VPS37C: variants seen among roughly 807,000 people sequenced by gnomAD.
VPS37C encodes the protein VPS37C subunit of ESCRT-I, also known as vacuolar protein sorting-associated protein 37C.
VPS37C carries 9 observed loss-of-function variants against 16.1 expected under a neutral mutation model. The ratio of observed to expected loss-of-function variants is 0.56; its 90% CI spans 0.34 to 0.97. The LOEUF (loss-of-function observed/expected upper bound fraction) is 0.97. VPS37C is among the 50% of genes least tolerant of loss of function. VPS37C has a pLI of 0.02. For missense variants in VPS37C, 479 were observed against 472.7 expected, an observed-to-expected ratio of 1.01 and a Z score of -0.12; for synonymous variants, 207 against 206.4, an observed-to-expected ratio of 1.00 and a Z score of -0.02.
intron 1 of VPS37C, among the ~76,000 whole-genome samples, chr11:61,139,263 A>G (rs1373805908): frequency 6.6e-6 from 1 of 151,808 alleles, no homozygotes; most frequent in African/African-American, 2.4e-5. Context: ...TCTGAACCAG[A>G]AATACACCAA....
In VPS37C at chr11:61,133,328, G is replaced by A. The variant is rs1861307514; in HGVS notation, c.275C>T (p.Ser92Phe). ...QEQKAKLEKF[S>F]SALQPGTLLD... is the part of the protein sequence containing the mutation. ...CAAGGTCCCTGGCTGCAGTGCTGAA[G>A]AAAATTTCTCTGGAAGGGAGGGCAG... The change falls in exon 4 of 5, where the codon TCT (serine) becomes TTT (phenylalanine). Residue 92 changes from serine to phenylalanine, a missense_variant. Transcript: ENST00000301765. The A allele has an allele frequency of 6.2e-7, 1 of 1,613,980 alleles. No homozygotes were observed. Among genetic ancestry groups the A allele is most frequent in the Non-Finnish European group, 8.5e-7 (1 of 1,180,012 alleles).
intron 1 of VPS37C, among the ~76,000 whole-genome samples, chr11:61,160,161 G>T (rs1412858231): frequency 6.6e-6 from 1 of 152,152 alleles, no homozygotes; most frequent in African/African-American, 2.4e-5. Context: ...CAATGAAAAT[G>T]TTCTACTTAA....
intron 1 of VPS37C, among the ~76,000 whole-genome samples, chr11:61,140,466 G>A (rs139140606): frequency 1.4e-3 from 207 of 151,932 alleles, no homozygotes; most frequent in Non-Finnish European, 9.7e-4. Context: ...GACGAGACCA[G>A]TATTTGTTAT....
intron 2 of VPS37C, 39 bp from the exon 3 acceptor site, chr11:61,134,246 A>G (rs750067432): frequency 6.3e-7 from 1 of 1,589,554 alleles, no homozygotes; most frequent in Non-Finnish European, 8.6e-7. Flanking sequence ...GAAAACGTCC[A>G]TCACCCTTAA....
At position 61,133,258 on chromosome 11, in the gene VPS37C, G is replaced by A. The variant is rs147193090; in HGVS notation, c.345C>T (p.Ser115=). The A allele has an allele frequency of 4.6e-5, 74 of 1,613,902 alleles. No homozygotes were observed. The highest frequency in any genetic ancestry group is 4.1e-5 in the Non-Finnish European group (48 of 1,180,008). ...GGGTGTCGCCTCGCCCTCTCACCTC[G>A]GACTCTTCTTCGATCTTCATGCCTT... ...QVEGMKIEEE[S]EAMAEKFLEG... Residue 115 remains serine (S), a synonymous_variant, in exon 4 of 5, where the codon TCC becomes TCT. Transcript: ENST00000301765.
chr11:61,143,268 T>A (rs10792306), intron 1 of VPS37C: 112,688 of 151,654 alleles, frequency 0.74, 43,398 homozygotes, highest in East Asian at 1. Context: ...AAATGCCTTT[T>A]CAGGTCCAGG....
At chr11:61,145,459 G>C (rs891462612) in intron 1 of VPS37C, 1 of 152,364 alleles carries the variant, frequency 6.6e-6, no homozygotes, top group Non-Finnish European at 1.5e-5. Flanking sequence ...GGGCAGGCAA[G>C]TGCCACCTTG....
intron 1 of VPS37C, chr11:61,144,331 A>C (rs955381337): frequency 1.8e-4 from 27 of 152,172 alleles, no homozygotes; most frequent in African/African-American, 6.5e-4. Context: ...CTAGTTTGGC[A>C]TCTATTATCT....
At position 61,159,901 on chromosome 11, in the gene VPS37C, CAAAAAAAAAAAA is replaced by C. The variant is rs35953020; in HGVS notation, c.-7+1478_-7+1489del. Reference sequence around the variant, plus strand: ...TGGGCGACAGATCAAGACTCCGTCTCAAAAAAAAAAAAAAAAAAAAAAAAAAATCCAAACTTG... The same window carrying C: ...TGGGCGACAGATCAAGACTCCGTCTCAAAAAAAAAAAAAAATCCAAACTTG... On this transcript the variant is annotated intron_variant, in intron 1 of 4. Coordinates refer to ENST00000301765, the MANE Select transcript of VPS37C (RefSeq NM_017966.5). Among the ~76,000 whole-genome samples the C allele has an allele frequency of 1.1e-3, 53 of 49,546 alleles. 1 individual carries two copies. The highest frequency in any genetic ancestry group is 4.4e-3 in the South Asian group (4 of 902). The allele number at this position is 49,546 out of a possible 152,430, so 32.5% of individuals were successfully genotyped here.
At chr11:61,156,947 T>C (rs770323637) in intron 1 of VPS37C, among the ~76,000 whole-genome samples, 3 of 152,240 alleles carry the variant, frequency 2.0e-5, no homozygotes, top group African/African-American at 4.8e-5. Context: ...TCTCTACGAA[T>C]TGGACTACTC....
intron 2 of VPS37C, among the ~76,000 whole-genome samples, chr11:61,136,449 C>T (rs568778109): frequency 1.3e-5 from 2 of 152,158 alleles, no homozygotes; most frequent in Non-Finnish European, 2.9e-5. Flanking sequence ...GCTGGGATTA[C>T]AGGCATGAGC....
chr11:61,135,701 C>G (rs1444888603), intron 2 of VPS37C, among the ~76,000 whole-genome samples: 1 of 152,144 alleles, frequency 6.6e-6, no homozygotes, highest in African/African-American at 2.4e-5. Context: ...ACTACAGGCA[C>G]AAACCACCAT....
intron 1 of VPS37C, among the ~76,000 whole-genome samples, chr11:61,149,995 T>G (rs950235117): frequency 6.6e-6 from 1 of 152,182 alleles, no homozygotes; most frequent in Admixed American, 6.5e-5. Flanking sequence ...ACTCACACCC[T>G]GCCCCCTAGG....
intron 1 of VPS37C, among the ~76,000 whole-genome samples, chr11:61,157,556 T>C (rs1465391700): frequency 6.6e-6 from 1 of 152,266 alleles, no homozygotes; most frequent in Admixed American, 6.5e-5. Context: ...AAATATCTAT[T>C]CAAGTCCTTC....
chr11:61,144,084 C>T (rs1853150730), intron 1 of VPS37C: 1 of 151,924 alleles, frequency 6.6e-6, no homozygotes, highest in South Asian at 2.1e-4. Context: ...ATTCTCCTGC[C>T]TCAGCCTCCC....
chr11:61,158,406 G>A (rs200976019), intron 1 of VPS37C, among the ~76,000 whole-genome samples: 37 of 152,170 alleles, frequency 2.4e-4, no homozygotes, highest in Non-Finnish European at 4.4e-4. Flanking sequence ...CACTTGACCC[G>A]GCAATAGCAG....
rs1319762700 is a variant in VPS37C, at chr11:61,133,504, T to C, written c.266-167A>G. Among the ~76,000 whole-genome samples the C allele has an allele frequency of 2.0e-5, 3 of 152,232 alleles. No homozygotes were observed. In the East Asian group the frequency reaches 5.8e-4, roughly 29 times the overall value. On this transcript the variant is annotated intron_variant, in intron 3 of 4. Coordinates refer to ENST00000301765, the MANE Select transcript of VPS37C (RefSeq NM_017966.5). The stretch of plus-strand genomic sequence containing the variant: ...GAGCACTTTTGGTCCAGTTCCTTCC[T>C]GAGCAGAGAAGGGCCCGAATGAACC...
At chr11:61,152,673 C>G (rs909875676) in intron 1 of VPS37C, among the ~76,000 whole-genome samples, 2 of 152,188 alleles carry the variant, frequency 1.3e-5, no homozygotes, top group Non-Finnish European at 2.9e-5. Context: ...GTTGCTCACT[C>G]CATCCCAACT....
At chr11:61,133,731 C>T (rs980243717) in intron 3 of VPS37C, among the ~76,000 whole-genome samples, 1 of 152,180 alleles carries the variant, frequency 6.6e-6, no homozygotes, top group African/African-American at 2.4e-5. Flanking sequence ...CCCAGAGCAG[C>T]TCAGGAACAG....
Sources: gnomAD v4.1 joint callset for allele counts (sites outside exome capture counted in the v4.1 genomes callset) on GRCh38, gnomAD v4.1.1 for gene constraint, MANE v1.5 for transcripts, NCBI Gene and HGNC (gene_info 2026-07-23, HGNC 2026-07-21) for gene names.